PCDH15: variants seen among roughly 807,000 people sequenced by gnomAD.
The protein encoded by PCDH15 is protocadherin-15.
PCDH15 carries 129 observed loss-of-function variants against 178.5 expected under a neutral mutation model. The observed-to-expected ratio is 0.72, with a 90% CI of 0.63 to 0.84. The LOEUF (loss-of-function observed/expected upper bound fraction) is 0.84. Ranked by LOEUF, PCDH15 falls within the 40% of genes least tolerant of loss-of-function variation. PCDH15 has a pLI of 0.00. For missense variants in PCDH15, 2,230 were observed against 2,099.9 expected (o/e 1.06, Z -1.21); for synonymous variants, 800 against 732.0 (o/e 1.09, Z -1.50).
At position 54,913,908 on chromosome 10, in the gene PCDH15, T is replaced by C. The variant is rs528053019; in HGVS notation, c.-79-16408A>G. On this transcript the variant is annotated intron_variant, in intron 2 of 5. Coordinates refer to the PCDH15 transcript ENST00000458638. The stretch of plus-strand genomic sequence containing the variant: ...TTCTCACTTTTGAAATGGGAACATT[T>C]ACCCAGTGCCTGTACCCCCACTGTA... Among the ~76,000 whole-genome samples the C allele has an allele frequency of 3.3e-5, 5 of 152,368 alleles. No individual in the cohort carries two copies. The South Asian group carries it at 8.3e-4, about 25-fold the overall frequency.
intron 12 of PCDH15, 150 bp downstream of exon 12, chr10:54,184,984 A>T: frequency 3.3e-6 from 3 of 900,870 alleles, no homozygotes; most frequent in Non-Finnish European, 3.4e-6. Context: ...ATAATTTTTC[A>T]TTGATCTTCT....
chr10:53,910,024 C>T (rs975606723), intron 25 of PCDH15, among the ~76,000 whole-genome samples: 1 of 152,126 alleles, frequency 6.6e-6, no homozygotes, highest in Non-Finnish European at 1.5e-5. Context: ...TGGGAGGAGC[C>T]CACCGCAGCT....
chr10:55,486,650 A>G (rs559122670), intron 2 of PCDH15, among the ~76,000 whole-genome samples: 1 of 151,438 alleles, frequency 6.6e-6, no homozygotes, highest in South Asian at 2.1e-4. Flanking sequence ...GTATAGGCTC[A>G]TAGTTTTGCT....
At chr10:54,973,636 A>G (rs1838991513) in intron 2 of PCDH15, among the ~76,000 whole-genome samples, 1 of 152,184 alleles carries the variant, frequency 6.6e-6, no homozygotes, top group African/African-American at 2.4e-5. Flanking sequence ...ACATGAGCAG[A>G]CAACTGAAGT....
intron 2 of PCDH15, among the ~76,000 whole-genome samples, chr10:55,625,970 T>C (rs556384733): frequency 1.3e-5 from 2 of 152,228 alleles, no homozygotes; most frequent in South Asian, 2.1e-4. Flanking sequence ...GCATACGTAG[T>C]ATATACCCAG....
At chr10:55,026,641 A>G (rs77184983) in intron 2 of PCDH15, among the ~76,000 whole-genome samples, 3,305 of 152,044 alleles carry the variant, frequency 0.022, 121 homozygotes, top group African/African-American at 0.075. Flanking sequence ...GTGGAAAAGC[A>G]TAGATGATAG....
intron 2 of PCDH15, among the ~76,000 whole-genome samples, chr10:54,531,918 C>G (rs2083967629): frequency 6.6e-6 from 1 of 152,056 alleles, no homozygotes; most frequent in Admixed American, 6.6e-5. Flanking sequence ...TGGCATAATT[C>G]TGCACCAAGC....
intron 13 of PCDH15, among the ~76,000 whole-genome samples, chr10:54,166,883 C>T (rs1312188645): frequency 6.6e-6 from 1 of 152,214 alleles, no homozygotes; most frequent in African/African-American, 2.4e-5. Flanking sequence ...CTTTTCCTCG[C>T]TCATCCTGGC....
chr10:55,103,126 T>G (rs1439464673), intron 2 of PCDH15, among the ~76,000 whole-genome samples: 2 of 150,798 alleles, frequency 1.3e-5, no homozygotes, highest in Non-Finnish European at 3.0e-5. Context: ...TTTTTTTTTT[T>G]GCTTTTCCAT....
intron 2 of PCDH15, among the ~76,000 whole-genome samples, chr10:55,607,818 C>G (rs923523619): frequency 6.7e-6 from 1 of 149,696 alleles, no homozygotes; most frequent in Non-Finnish European, 1.5e-5. Context: ...TTAGTGGGTG[C>G]AGCGCACCAG....
At chr10:54,375,766 C>CATATATATAT (rs373857140) in intron 4 of PCDH15, among the ~76,000 whole-genome samples, 71 of 110,730 alleles carry the variant, frequency 6.4e-4, no homozygotes, top group African/African-American at 2.5e-3. Flanking sequence ...ATATTCAGAG[C>CATATATATAT]ATATATATAT....
intron 21 of PCDH15, among the ~76,000 whole-genome samples, chr10:53,986,189 C>T (rs1451825635): frequency 6.6e-6 from 1 of 152,036 alleles, no homozygotes; most frequent in Non-Finnish European, 1.5e-5. Context: ...AACATACACA[C>T]TCGACATACA....
intron 3 of PCDH15, among the ~76,000 whole-genome samples, chr10:54,423,867 G>C (rs917277657): frequency 3.3e-5 from 5 of 151,810 alleles, no homozygotes; most frequent in Non-Finnish European, 7.4e-5. Flanking sequence ...ATTAATTCAA[G>C]ATGGATTAAA....
intron 33 of PCDH15, among the ~76,000 whole-genome samples, chr10:53,818,900 A>T (rs1350815046): frequency 1.3e-5 from 2 of 152,082 alleles, no homozygotes; most frequent in African/African-American, 4.8e-5. Flanking sequence ...TTTTTAAAAA[A>T]TGTTGAGGCC....
intron 26 of PCDH15, among the ~76,000 whole-genome samples, chr10:53,867,911 T>C (rs2079565034): frequency 6.6e-6 from 1 of 152,140 alleles, no homozygotes; most frequent in East Asian, 1.9e-4. Context: ...AACATATTTG[T>C]TCCTGGTGAT....
chr10:54,246,617 G>C (rs998543404), intron 8 of PCDH15, among the ~76,000 whole-genome samples: 2 of 151,606 alleles, frequency 1.3e-5, no homozygotes, highest in Non-Finnish European at 3.0e-5. Context: ...TTCTTCTAGG[G>C]TATGCTGTGA....
chr10:55,597,449 T>C (rs937876334), intron 2 of PCDH15, among the ~76,000 whole-genome samples: 1 of 152,050 alleles, frequency 6.6e-6, no homozygotes, highest in African/African-American at 2.4e-5. Flanking sequence ...GTCAGAACCC[T>C]AAAAATCATA....
At chr10:54,028,800 AG>A (rs1215770467) in intron 18 of PCDH15, among the ~76,000 whole-genome samples, 2 of 97,690 alleles carry the variant, frequency 2.0e-5, no homozygotes, top group Non-Finnish European at 4.2e-5. Context: ...GGGTGGGGGG[AG>A]GGGGGAGGGA....
chr10:54,839,394 T>C (rs1168564693), intron 3 of PCDH15, among the ~76,000 whole-genome samples: 1 of 152,066 alleles, frequency 6.6e-6, no homozygotes, highest in Non-Finnish European at 1.5e-5. Context: ...AAACAAGTAA[T>C]GAAGATCTCA....
Sources: gnomAD v4.1 joint callset for allele counts (sites outside exome capture counted in the v4.1 genomes callset) on GRCh38, gnomAD v4.1.1 for gene constraint, MANE v1.5 for transcripts, NCBI Gene and HGNC (gene_info 2026-07-23, HGNC 2026-07-21) for gene names.